VASH1: variants seen among roughly 807,000 people sequenced by gnomAD.
The protein encoded by VASH1 is tubulinyl-Tyr carboxypeptidase 1.
VASH1 carries 16 observed loss-of-function variants against 35.0 expected under a neutral mutation model. The ratio of observed to expected loss-of-function variants is 0.46; its 90% CI spans 0.31 to 0.70. The LOEUF is 0.70. Among genes scored for constraint, VASH1 ranks in the 30% least tolerant of loss-of-function variants. The probability of loss-of-function intolerance (pLI) is 0.05; values close to 1 mark genes in which losing one functional copy is unlikely to be tolerated. For synonymous variants in VASH1, 214 were observed against 200.9 expected, an observed-to-expected ratio of 1.07 and a Z score of -0.55; for missense variants, 505 against 510.7, an observed-to-expected ratio of 0.99 and a Z score of 0.11.
Position 76,762,892 on chromosome 14 carries a change from C to T in VASH1, c.71C>T (p.Ala24Val). The T allele has an allele frequency of 6.4e-7, 1 of 1,557,048 alleles. No individual in the cohort carries two copies. The highest frequency in any genetic ancestry group is 8.7e-7 in the Non-Finnish European group (1 of 1,151,602). ...ACTCCAACGTCCGCTGCGGCCACCG[C>T]CCCCTCTGGGGTCAGGCGTTTGGAG... ...GATPTSAAATAPSGVRRLETS... is the reference protein window; with the variant it reads ...GATPTSAAATVPSGVRRLETS... Residue 24 changes from alanine (A) to valine (V), a missense_variant, in exon 1 of 7, where the codon GCC (alanine) becomes GTC (valine). Physicochemically the swap from Ala to Val is moderately conservative, Grantham distance 64. Coordinates refer to ENST00000167106, the MANE Select transcript of VASH1 (RefSeq NM_014909.5).
chr14:76,769,885 C>A, intron 1 of VASH1, 78 bp from the exon 2 acceptor site: 1 of 1,486,494 alleles, frequency 6.7e-7, no homozygotes, highest in Non-Finnish European at 9.3e-7. Context: ...GCCTCTGGGG[C>A]CAGTCCTAGG....
At chr14:76,778,803 T>C in intron 6 of VASH1, 143 bp from the exon 7 acceptor site, 1 of 803,918 alleles carries the variant, frequency 1.2e-6, no homozygotes, top group Admixed American at 1.8e-5. Flanking sequence ...AAAAACACAC[T>C]TCCATACGCA....
intron 4 of VASH1, chr14:76,773,635 TA>T (rs11334805): frequency 0.57 from 99,337 of 174,076 alleles, 26,883 homozygotes; most frequent in African/African-American, 0.69. Flanking sequence ...AAAACTGCCT[TA>T]AAAAAAAAAA....
At chr14:76,765,580 A>G (rs1336351567) in intron 1 of VASH1, among the ~76,000 whole-genome samples, 3 of 152,170 alleles carry the variant, frequency 2.0e-5, no homozygotes, top group Non-Finnish European at 4.4e-5. Flanking sequence ...CGCCCTTACC[A>G]TCCCTAGGGG....
Position 76,769,955 on chromosome 14 carries a change from G to C in VASH1, c.310-8G>C. The C allele has an allele frequency of 6.2e-7, 1 of 1,613,742 alleles. No individual in the cohort carries two copies. The highest frequency in any genetic ancestry group is 2.2e-5 in the East Asian group (1 of 44,848). Reference sequence around the variant, plus strand: ...TTCTTGTGACCGGAGCTCTTTCTCTGTCCCCAGATCCCCATACCGAGTGTG... The same window carrying C: ...TTCTTGTGACCGGAGCTCTTTCTCTCTCCCCAGATCCCCATACCGAGTGTG... On this transcript the variant is annotated splice_polypyrimidine_tract_variant and splice_region_variant and intron_variant, in intron 1 of 6. Coordinates refer to ENST00000167106, the MANE Select transcript of VASH1 (RefSeq NM_014909.5).
chr14:76,782,071 G>C lies in VASH1; in HGVS notation c.*3053G>C, dbSNP rs1213745283. On this transcript the variant is annotated 3_prime_UTR_variant, in exon 7 of 7. Coordinates refer to ENST00000167106, the MANE Select transcript of VASH1 (RefSeq NM_014909.5). The stretch of plus-strand genomic sequence containing the variant: ...CTGTGGAAAATGGACCAGGTTGGGG[G>C]GGTGATTGCAAAGTCTCCCCAAAGC... 1.3e-5 allele frequency: 2 copies of C among 152,246 alleles called. No individual in the cohort carries two copies. The highest frequency in any genetic ancestry group is 2.9e-5 in the Non-Finnish European group (2 of 68,074). The allele number at this position is 152,246 out of a possible 1,614,324, so 9.4% of individuals were successfully genotyped here.
rs1360466400 is a variant in VASH1 at position 76,779,554 on chromosome 14, C to T, written c.*536C>T. 4 of 676,322 alleles carry T rather than the reference C, an allele frequency of 5.9e-6. No individual in the cohort carries two copies. The Admixed American group carries it at 8.5e-5, about 14-fold the overall frequency. The allele number at this position is 676,322 out of a possible 1,614,324, so 41.9% of individuals were successfully genotyped here. A position where few individuals can be genotyped will look rare whatever the true frequency, so the allele number is the denominator to read the frequency against. ...GGGTAGGAGTCCTTCTGAGAAAGGTCTGTGTAGCCCATTAACCAGGAGCTT... is the reference window on the plus strand; with the variant it reads ...GGGTAGGAGTCCTTCTGAGAAAGGTTTGTGTAGCCCATTAACCAGGAGCTT... On this transcript the variant is annotated 3_prime_UTR_variant, in exon 7 of 7. Transcript: ENST00000167106.
chr14:76,773,257 C>T (rs778541957), intron 4 of VASH1, 46 bp downstream of exon 4: 2 of 1,594,174 alleles, frequency 1.3e-6, no homozygotes, highest in South Asian at 2.2e-5. Flanking sequence ...TTCTCTGGGC[C>T]TCAGCTTCCT....
chr14:76,769,465 G>C, intron 1 of VASH1: 1 of 1,289,050 alleles, frequency 7.8e-7, no homozygotes, highest in Non-Finnish European at 1.0e-6. Context: ...ATATGCCCAT[G>C]ATACTGGGTG....
At chr14:76,770,223 C>A (rs1041384060) in intron 2 of VASH1, among the ~76,000 whole-genome samples, 172 bp downstream of exon 2, 1 of 152,154 alleles carries the variant, frequency 6.6e-6, no homozygotes, top group Non-Finnish European at 1.5e-5. Flanking sequence ...GCGTGTGCCT[C>A]CTGGGTGTCG....
chr14:76,771,036 G>T lies in VASH1; in HGVS notation c.399-154G>T, dbSNP rs11849759. ...AGAAAGCCAAGGAGGGTGAGGGAGA[G>T]GGAAAGAGAAGGAGGCGTGAGGCGG... is the stretch of plus-strand genomic sequence containing the variant. On this transcript the variant is annotated intron_variant, in intron 2 of 6. Transcript: ENST00000167106. Among the ~76,000 whole-genome samples the T allele has an allele frequency of 4.7e-3, 711 of 152,348 alleles. 2 individuals are homozygous for T. The highest frequency in any genetic ancestry group is 0.016 in the African/African-American group (680 of 41,582).
Position 76,776,256 on chromosome 14 carries a change from C to G in VASH1, c.895C>G (p.Arg299Gly). ...CCGCAAGGAGCTGGAGCGCCACGCC[C>G]GCGACATGCGGCTCAAGGTCTGCCC... The part of the protein sequence containing the change: ...DFRKELERHA[R>G]DMRLKIGKGT... The change falls in exon 5 of 7, where the codon CGC (arginine) becomes GGC (glycine). Residue 299 changes from arginine (R) to glycine (G), a missense_variant. Transcript: ENST00000167106. 1 of 1,595,610 alleles carries G rather than the reference C, an allele frequency of 6.3e-7. No homozygotes were observed. The highest frequency in any genetic ancestry group is 8.5e-7 in the Non-Finnish European group (1 of 1,173,842).
rs1011515647 is a variant in VASH1, at chr14:76,780,438, T to C, written c.*1420T>C. 3.9e-5 allele frequency: 6 copies of C among 152,434 alleles called. No individual in the cohort carries two copies. In the East Asian group the frequency reaches 1.2e-3, roughly 29 times the overall value. The allele number at this position is 152,434 out of a possible 1,614,324, so 9.4% of individuals were successfully genotyped here. On this transcript the variant is annotated 3_prime_UTR_variant, in exon 7 of 7. Coordinates refer to ENST00000167106, the MANE Select transcript of VASH1 (RefSeq NM_014909.5). Reference sequence around the variant, plus strand: ...AACGGATGAGATGACCATTAAGGTTTTGTTTTACTGAGAGGCTGTAAGTCT... The same window carrying C: ...AACGGATGAGATGACCATTAAGGTTCTGTTTTACTGAGAGGCTGTAAGTCT...
rs540990467 is a variant in VASH1 at position 76,779,400 on chromosome 14, T to G, written c.*382T>G. On this transcript the variant is annotated 3_prime_UTR_variant, in exon 7 of 7. Transcript: ENST00000167106. ...TCTGCCCCTGGCTTCTCTCTGGGAG[T>G]TGGGTGCATCTTATCAGTGGGAAAT... 2 of 700,380 alleles carry G rather than the reference T, an allele frequency of 2.9e-6. No homozygotes were observed. Among genetic ancestry groups the G allele is most frequent in the Non-Finnish European group, 5.2e-6 (2 of 384,440 alleles). 43.4% of individuals were successfully genotyped at this position (700,380 alleles called of 1,614,324 possible).
chr14:76,777,025 CAG>C (rs1055471817), intron 5 of VASH1, among the ~76,000 whole-genome samples: 6 of 152,196 alleles, frequency 3.9e-5, no homozygotes, highest in African/African-American at 1.4e-4. Context: ...GTTGGAAGCC[CAG>C]AGTCTTGCTC....
chr14:76,766,484 A>G (rs936671079), intron 1 of VASH1, among the ~76,000 whole-genome samples: 5 of 152,194 alleles, frequency 3.3e-5, no homozygotes, highest in Non-Finnish European at 7.4e-5. Flanking sequence ...TTGGTCACCT[A>G]AGATGGAATG....
rs766704040 is a variant in VASH1 at position 76,762,848 on chromosome 14, G to T, written c.27G>T (p.Gly9=). The change falls in exon 1 of 7, where the codon GGG becomes GGT. Residue 9 remains glycine (G), a synonymous_variant. Coordinates refer to ENST00000167106, the MANE Select transcript of VASH1 (RefSeq NM_014909.5). MPGGKKVA[G]GGSSGATPTS... is the part of the protein sequence containing the mutation. ...TGCCAGGGGGGAAGAAGGTGGCTGG[G>T]GGTGGCAGCAGCGGTGCCACTCCAA... 6 of 1,506,486 alleles carry T rather than the reference G, an allele frequency of 4.0e-6. No individual in the cohort carries two copies. Among genetic ancestry groups the T allele is most frequent in the Middle Eastern group, 2.0e-4 (1 of 5,068 alleles). 93.3% of individuals were successfully genotyped at this position (1,506,486 alleles called of 1,614,324 possible).
intron 6 of VASH1, 34 bp downstream of exon 6, chr14:76,778,105 G>A (rs747170643): frequency 1.8e-4 from 248 of 1,392,388 alleles, no homozygotes; most frequent in Non-Finnish European, 2.3e-4. Flanking sequence ...TGGGTCCAAA[G>A]AGGGTTTTTT....
intron 6 of VASH1, among the ~76,000 whole-genome samples, chr14:76,778,577 G>C (rs1013624977): frequency 6.6e-6 from 1 of 152,112 alleles, no homozygotes; most frequent in Admixed American, 6.5e-5. Context: ...ATGAATTCAG[G>C]GGTGGGGTAC....
Sources: allele counts gnomAD v4.1 joint callset (sites outside exome capture counted in the v4.1 genomes callset), GRCh38; gene constraint gnomAD v4.1.1; transcripts MANE v1.5; gene names NCBI Gene and HGNC (gene_info 2026-07-23, HGNC 2026-07-21).